The following ACSF2 variants were observed in gnomAD, a reference collection of about 807,000 sequenced individuals.
The protein encoded by ACSF2 is acyl-CoA synthetase family member 2.
ACSF2 carries 52 observed loss-of-function variants against 79.3 expected under a neutral mutation model. The ratio of observed to expected loss-of-function variants is 0.66; its 90% confidence interval spans 0.53 to 0.83. The LOEUF (loss-of-function observed/expected upper bound fraction) is 0.83. Ranked by LOEUF, ACSF2 falls within the 40% of genes least tolerant of loss-of-function variation. The pLI, the probability that ACSF2 is intolerant of heterozygous loss-of-function variation, is 0.00. For missense variants in ACSF2, 661 were observed against 803.3 expected, an observed-to-expected ratio of 0.82 and a Z score of 2.14; for synonymous variants, 283 against 312.6, an observed-to-expected ratio of 0.91 and a Z score of 1.00.
chr17:50,460,001 C>G (rs2032235955), intron 1 of ACSF2, among the ~76,000 whole-genome samples: 1 of 152,182 alleles, frequency 6.6e-6, no homozygotes, highest in Admixed American at 6.5e-5. Flanking sequence ...CTTGTGACAT[C>G]ATCTGAGAGT....
At chr17:50,442,729 C>T (rs1228000585) in intron 1 of ACSF2, among the ~76,000 whole-genome samples, 19 of 152,106 alleles carry the variant, frequency 1.2e-4, no homozygotes, top group Admixed American at 1.1e-3. Flanking sequence ...CATCCCAAAG[C>T]GTTGGGATTA....
Position 50,474,118 on chromosome 17 carries a change from C to G in ACSF2, c.1729-81C>G, listed in dbSNP as rs2033239003. On this transcript the variant is annotated intron_variant, in intron 14 of 15. Coordinates refer to ENST00000300441, the MANE Select transcript of ACSF2 (RefSeq NM_025149.6). This position sits in a 1 kb window ranked among gnomAD's most constrained non-coding sequence, Gnocchi z 4.2. ...GCCCTTGACGAAGCTGACTCCTGGC[C>G]AGGCCAGCCCCTGGTCCCCTACCCA... The G allele has an allele frequency of 1.9e-6, 3 of 1,597,144 alleles. No homozygotes were observed. The African/African-American group carries it at 4.0e-5, about 21-fold the overall frequency.
intron 1 of ACSF2, among the ~76,000 whole-genome samples, chr17:50,451,176 C>T (rs183458421): frequency 4.5e-4 from 69 of 152,254 alleles, no homozygotes; most frequent in Non-Finnish European, 2.9e-4. Context: ...TGGGCTCAAG[C>T]GATCCTCCCA....
intron 1 of ACSF2, 94 bp downstream of exon 1, chr17:50,426,483 C>T (rs1914991700): frequency 7.9e-7 from 1 of 1,258,206 alleles, no homozygotes; most frequent in Non-Finnish European, 1.0e-6. Context: ...CACCTCTGGA[C>T]GAGTGCACTG....
At position 50,472,478 on chromosome 17, in the gene ACSF2, C is replaced by G. The variant is rs368605911; in HGVS notation, c.1374C>G (p.Pro458=). 31 of 1,612,892 alleles carry G rather than the reference C, an allele frequency of 1.9e-5. No individual in the cohort carries two copies. The highest frequency in any genetic ancestry group is 5.0e-5 in the Admixed American group (3 of 59,886). ...EAGTLAKLNT[P]GELCIRGYCV... ...GGACGCTGGCAAAGCTGAACACGCC[C>G]GGGGAGCTGTGCATCCGAGGGTACT... The change falls in exon 12 of 16, where the codon CCC becomes CCG. Residue 458 remains proline (P), a synonymous_variant. Coordinates refer to ENST00000300441, the MANE Select transcript of ACSF2 (RefSeq NM_025149.6).
chr17:50,461,540 A>G, intron 3 of ACSF2, 93 bp from the exon 4 acceptor site: 1 of 1,596,972 alleles, frequency 6.3e-7, no homozygotes, highest in South Asian at 1.1e-5. Context: ...AGGGGGCTGT[A>G]GAGTGCTGCC....
intron 1 of ACSF2, among the ~76,000 whole-genome samples, chr17:50,429,605 C>T (rs559543811): frequency 1.2e-4 from 19 of 152,064 alleles, no homozygotes; most frequent in African/African-American, 3.9e-4. Flanking sequence ...CTGTAACCTC[C>T]GCCTCCTGGG....
At chr17:50,452,193 C>T (rs182370253) in intron 1 of ACSF2, among the ~76,000 whole-genome samples, 12 of 152,288 alleles carry the variant, frequency 7.9e-5, no homozygotes, top group Admixed American at 5.9e-4. Flanking sequence ...AACACCCATG[C>T]TAAGTAGCTG....
intron 1 of ACSF2, among the ~76,000 whole-genome samples, chr17:50,459,885 T>A (rs2032229654): frequency 6.6e-6 from 1 of 152,178 alleles, no homozygotes; most frequent in South Asian, 2.1e-4. Flanking sequence ...CTCAGTACTC[T>A]CAGGCTCTTG....
Position 50,445,888 on chromosome 17 carries a change from A to G in ACSF2, c.129-14789A>G, listed in dbSNP as rs572893584. ...CAGTAAGCCATATTCTAAATGAACAACTATGCATCATCAGCTGCTCTGTGC... is the reference window on the plus strand; with the variant it reads ...CAGTAAGCCATATTCTAAATGAACAGCTATGCATCATCAGCTGCTCTGTGC... On this transcript the variant is annotated intron_variant, in intron 1 of 15. Coordinates refer to ENST00000300441, the MANE Select transcript of ACSF2 (RefSeq NM_025149.6). Among the ~76,000 whole-genome samples the G allele has an allele frequency of 2.5e-4, 38 of 152,270 alleles. No individual in the cohort carries two copies. In the South Asian group the frequency reaches 6.0e-3, roughly 24 times the overall value.
At chr17:50,467,539 C>T (rs567217622) in intron 10 of ACSF2, among the ~76,000 whole-genome samples, 2 of 152,288 alleles carry the variant, frequency 1.3e-5, no homozygotes, top group South Asian at 4.1e-4. Context: ...TCCCCTCACT[C>T]CCCAGTCCCC....
chr17:50,448,261 C>T (rs1047381952), intron 1 of ACSF2, among the ~76,000 whole-genome samples: 20 of 152,272 alleles, frequency 1.3e-4, no homozygotes, highest in African/African-American at 4.8e-4. Context: ...CATATCTAAA[C>T]GTAGAAAAGG....
intron 1 of ACSF2, among the ~76,000 whole-genome samples, chr17:50,447,008 C>G (rs181147298): frequency 6.6e-6 from 1 of 152,234 alleles, no homozygotes; most frequent in Non-Finnish European, 1.5e-5. Flanking sequence ...AGATTATGCA[C>G]ATTATTTTTT....
At position 50,468,878 on chromosome 17, in the gene ACSF2, C is replaced by T. The variant is rs959815617; in HGVS notation, c.1216-2150C>T. Reference sequence around the variant, plus strand: ...CGGCGGGGCGCGGGCAGCGGCGAGTCCTAGGCGCTCGGGTCTGCCGCCCTC... The same window carrying T: ...CGGCGGGGCGCGGGCAGCGGCGAGTTCTAGGCGCTCGGGTCTGCCGCCCTC... On this transcript the variant is annotated intron_variant, in intron 10 of 15. Coordinates refer to ENST00000300441, the MANE Select transcript of ACSF2 (RefSeq NM_025149.6). 9.0e-6 allele frequency: 13 copies of T among 1,440,612 alleles called. No homozygotes were observed. The South Asian group carries it at 1.8e-4, about 20-fold the overall frequency. 89.2% of individuals were successfully genotyped at this position (1,440,612 alleles called of 1,614,324 possible).
At chr17:50,438,232 C>G (rs1358674762) in intron 1 of ACSF2, among the ~76,000 whole-genome samples, 1 of 152,204 alleles carries the variant, frequency 6.6e-6, no homozygotes, top group Non-Finnish European at 1.5e-5. Context: ...AATACAGTAT[C>G]TACACATCAC....
intron 1 of ACSF2, among the ~76,000 whole-genome samples, chr17:50,444,396 T>C (rs2143584447): frequency 6.6e-6 from 1 of 151,992 alleles, no homozygotes; most frequent in Non-Finnish European, 1.5e-5. Flanking sequence ...CTACTAAAAA[T>C]ACAAAAAAAT....
chr17:50,455,077 G>T (rs938553859), intron 1 of ACSF2, among the ~76,000 whole-genome samples: 4 of 152,204 alleles, frequency 2.6e-5, no homozygotes, highest in Non-Finnish European at 5.9e-5. Context: ...CCGCCTCCCG[G>T]ATTCAAGAGA....
intron 2 of ACSF2, 155 bp from the exon 3 acceptor site, chr17:50,461,087 A>C: frequency 7.9e-7 from 1 of 1,268,490 alleles, no homozygotes; most frequent in Non-Finnish European, 1.1e-6. Flanking sequence ...TTAACTATGC[A>C]GGCCCCAGGG....
chr17:50,429,699 G>A lies in ACSF2; in HGVS notation c.128+3310G>A, dbSNP rs140349146. 7.9e-3 allele frequency among the ~76,000 whole-genome samples: 1,199 copies of A among 152,102 alleles called. 19 individuals are homozygous for A. The highest frequency in any genetic ancestry group is 0.027 in the African/African-American group (1,129 of 41,486). ...CCGCCCAGCTAATTTTGTATTTTTA[G>A]TGGAGATGGGGTTTCACCATGTTGG... On this transcript the variant is annotated intron_variant, in intron 1 of 15. Transcript: ENST00000300441.
Sources: allele counts gnomAD v4.1 joint callset (sites outside exome capture counted in the v4.1 genomes callset), GRCh38; gene constraint gnomAD v4.1.1; non-coding constraint Gnocchi (gnomAD v3.1); transcripts MANE v1.5; gene names NCBI Gene and HGNC (gene_info 2026-07-23, HGNC 2026-07-21).